The following ACAP2 variants were observed in gnomAD, a reference collection of about 807,000 sequenced individuals.
ACAP2 encodes arf-GAP with coiled-coil, ANK repeat and PH domain-containing protein 2.
Under a neutral mutation model 115.8 loss-of-function variants are expected in ACAP2, and 39 were observed. That is an observed-to-expected ratio of 0.34 (90% confidence interval 0.26 to 0.44). The LOEUF (loss-of-function observed/expected upper bound fraction) is 0.44. Ranked by LOEUF, ACAP2 falls within the 20% of genes least tolerant of loss-of-function variation. The probability of loss-of-function intolerance (pLI) is 1.00; values close to 1 mark genes in which losing one functional copy is unlikely to be tolerated. For synonymous variants in ACAP2, 289 were observed against 315.8 expected (o/e 0.92, Z 0.90); for missense variants, 662 against 927.6 (o/e 0.71, Z 3.72).
At chr3:195,368,874 A>G (rs149647932) in intron 4 of ACAP2, among the ~76,000 whole-genome samples, 1,789 of 152,306 alleles carry the variant, frequency 0.012, 18 homozygotes, top group Middle Eastern at 0.017. Flanking sequence ...ACCTGAGGTC[A>G]GGAGTTCAAG....
At chr3:195,372,323 T>C (rs934459714) in intron 4 of ACAP2, among the ~76,000 whole-genome samples, 3 of 152,198 alleles carry the variant, frequency 2.0e-5, no homozygotes, top group East Asian at 1.9e-4. Flanking sequence ...GCATAATGAC[T>C]AATGCTACTC....
chr3:195,305,972 C>T (rs1415812185), intron 13 of ACAP2, among the ~76,000 whole-genome samples: 2 of 152,020 alleles, frequency 1.3e-5, no homozygotes, highest in Admixed American at 1.3e-4. Flanking sequence ...GCCTATGCCA[C>T]AGTCTTGCCA....
chr3:195,305,002 T>C (rs547012738), intron 13 of ACAP2, among the ~76,000 whole-genome samples: 1 of 152,224 alleles, frequency 6.6e-6, no homozygotes, highest in African/African-American at 2.4e-5. Context: ...TGTTCTGGGG[T>C]GGTACCTAAG....
At chr3:195,286,485 G>T (rs1256607905) in intron 21 of ACAP2, among the ~76,000 whole-genome samples, 1 of 152,050 alleles carries the variant, frequency 6.6e-6, no homozygotes, top group East Asian at 1.9e-4. Context: ...TTTAAAATAG[G>T]CAAATATTGT....
At chr3:195,349,432 G>T (rs1043256771) in intron 4 of ACAP2, among the ~76,000 whole-genome samples, 1 of 152,094 alleles carries the variant, frequency 6.6e-6, no homozygotes, top group Non-Finnish European at 1.5e-5. Context: ...AGTGAACCGA[G>T]ATCACGCCAT....
At chr3:195,323,879 T>C (rs907025273) in intron 9 of ACAP2, among the ~76,000 whole-genome samples, 3 of 152,104 alleles carry the variant, frequency 2.0e-5, no homozygotes, top group Non-Finnish European at 4.4e-5. Flanking sequence ...CAAAATAATT[T>C]AATTGTACAT....
intron 4 of ACAP2, among the ~76,000 whole-genome samples, chr3:195,353,308 A>G (rs894818823): frequency 1.3e-5 from 2 of 152,206 alleles, no homozygotes; most frequent in African/African-American, 2.4e-5. Context: ...GTAAGATAAT[A>G]CATGCATGTT....
At chr3:195,415,758 CTTTA>C (rs906529541) in intron 1 of ACAP2, among the ~76,000 whole-genome samples, 2 of 151,624 alleles carry the variant, frequency 1.3e-5, no homozygotes, top group African/African-American at 2.4e-5. Flanking sequence ...AAGATAAAAA[CTTTA>C]TTTAGAAAAA....
In ACAP2 at chr3:195,327,530, G is replaced by C. The variant is rs986942525; in HGVS notation, c.670-571C>G. On this transcript the variant is annotated intron_variant, in intron 8 of 22. Transcript: ENST00000326793. ...AAAAAATAATTCATGAGATAAAAGA[G>C]AAAGCTAAAAATAATAATAATAAAA... is the stretch of plus-strand genomic sequence containing the variant. Among the ~76,000 whole-genome samples the C allele has an allele frequency of 4.8e-4, 73 of 152,008 alleles. 1 individual carries two copies. The highest frequency in any genetic ancestry group is 1.3e-4 in the Admixed American group (2 of 15,250).
intron 1 of ACAP2, among the ~76,000 whole-genome samples, chr3:195,437,054 A>T (rs1173649244): frequency 1.3e-5 from 2 of 152,122 alleles, no homozygotes; most frequent in East Asian, 3.9e-4. Flanking sequence ...ATATTTAATA[A>T]TTTTTTTTAA....
chr3:195,430,923 C>T (rs988145386), intron 1 of ACAP2, among the ~76,000 whole-genome samples: 1 of 152,160 alleles, frequency 6.6e-6, no homozygotes. Flanking sequence ...ATAAATTCAC[C>T]ATTTAAAAAT....
At chr3:195,287,200 A>C (rs1054217543) in intron 21 of ACAP2, among the ~76,000 whole-genome samples, 1 of 152,226 alleles carries the variant, frequency 6.6e-6, no homozygotes, top group African/African-American at 2.4e-5. Context: ...ATAAGTGACG[A>C]TACAAAACAT....
chr3:195,366,939 C>A (rs1732763133), intron 4 of ACAP2, among the ~76,000 whole-genome samples: 1 of 151,684 alleles, frequency 6.6e-6, no homozygotes, highest in South Asian at 2.1e-4. Flanking sequence ...GCCATGAGGC[C>A]TCTATCACAC....
At chr3:195,414,688 GAGCAACCACA>G in intron 1 of ACAP2, among the ~76,000 whole-genome samples, 1 of 152,122 alleles carries the variant, frequency 6.6e-6, no homozygotes, top group African/African-American at 2.4e-5. Context: ...GAGACTTTTT[GAGCAACCACA>G]TGACACTCAA....
chr3:195,412,164 CAAAAAAAAA>C (rs869120673), intron 1 of ACAP2, among the ~76,000 whole-genome samples: 4 of 48,562 alleles, frequency 8.2e-5, no homozygotes, highest in African/African-American at 1.4e-4. Flanking sequence ...GACCCTGTCT[CAAAAAAAAA>C]AAAAAAAAAA....
At chr3:195,361,950 C>T (rs1732401365) in intron 4 of ACAP2, among the ~76,000 whole-genome samples, 1 of 152,086 alleles carries the variant, frequency 6.6e-6, no homozygotes, top group Non-Finnish European at 1.5e-5. Context: ...ACACATACAG[C>T]CTACCAAGAT....
At chr3:195,369,368 G>C (rs1732966001) in intron 4 of ACAP2, among the ~76,000 whole-genome samples, 2 of 152,132 alleles carry the variant, frequency 1.3e-5, no homozygotes, top group South Asian at 4.1e-4. Context: ...CATCACCCAG[G>C]TAACAAGCCT....
intron 10 of ACAP2, among the ~76,000 whole-genome samples, chr3:195,310,462 T>A (rs1728692015): frequency 6.6e-6 from 1 of 152,218 alleles, no homozygotes; most frequent in Non-Finnish European, 1.5e-5. Context: ...TGACATGCAA[T>A]GGAAACAATC....
chr3:195,339,674 A>G (rs1289526214), intron 6 of ACAP2, among the ~76,000 whole-genome samples: 2 of 152,058 alleles, frequency 1.3e-5, no homozygotes, highest in African/African-American at 4.8e-5. Context: ...TTCCCATCAG[A>G]AAAATCAAAC....
Sources: gnomAD v4.1 joint callset for allele counts (sites outside exome capture counted in the v4.1 genomes callset) on GRCh38, gnomAD v4.1.1 for gene constraint, MANE v1.5 for transcripts, NCBI Gene and HGNC (gene_info 2026-07-23, HGNC 2026-07-21) for gene names.